The following FBXL2 variants were observed in gnomAD, a reference collection of about 807,000 sequenced individuals.
FBXL2 encodes F-box/LRR-repeat protein 2.
A neutral mutation model predicts 69.2 loss-of-function variants in FBXL2; 38 were observed. That is an observed-to-expected ratio of 0.55 (90% CI 0.42 to 0.72). The LOEUF (loss-of-function observed/expected upper bound fraction) is 0.72, where lower values mean the gene tolerates loss of function less well. Ranked by LOEUF, FBXL2 falls within the 30% of genes least tolerant of loss-of-function variation. The pLI is 0.00. For missense variants in FBXL2, 354 were observed against 520.3 expected, an observed-to-expected ratio of 0.68 and a Z score of 3.11; for synonymous variants, 192 against 201.3, an observed-to-expected ratio of 0.95 and a Z score of 0.39.
intron 1 of FBXL2, among the ~76,000 whole-genome samples, chr3:33,285,192 C>T (rs1575589011): frequency 1.3e-5 from 2 of 152,296 alleles, no homozygotes; most frequent in Admixed American, 1.3e-4. Flanking sequence ...TTGTTCCTTT[C>T]CATGTTTAGC....
At chr3:33,418,285 G>A in the FBXL2 span, among the ~76,000 whole-genome samples, 9 of 151,930 alleles carry the variant, frequency 5.9e-5, no homozygotes, top group African/African-American at 7.2e-5. Flanking sequence ...AGGGAGCTTC[G>A]TTCTGTCGCC....
the FBXL2 span, among the ~76,000 whole-genome samples, chr3:33,417,978 C>T: frequency 6.6e-6 from 1 of 152,122 alleles, no homozygotes; most frequent in Non-Finnish European, 1.5e-5. Flanking sequence ...TGCTTACATT[C>T]ATTCAACAGA....
At chr3:33,384,491 G>A (rs1348779157) in intron 14 of FBXL2, among the ~76,000 whole-genome samples, 1 of 152,156 alleles carries the variant, frequency 6.6e-6, no homozygotes, top group Non-Finnish European at 1.5e-5. Context: ...AACCTGGGAA[G>A]CAGAAGTTGC....
rs1253444706 is a variant in FBXL2, at chr3:33,378,911, G to A, written c.951+170G>A. ...CAAGGTATCTAAATATTTGATTACT[G>A]CTTTCATTGAATTTGCAATTTTAAG... On this transcript the variant is annotated intron_variant, in intron 13 of 14. Transcript: ENST00000484457. 4.7e-6 allele frequency: 6 copies of A among 1,284,964 alleles called. No homozygotes were observed. In the African/African-American group the frequency reaches 7.5e-5, roughly 16 times the overall value. 79.6% of individuals were successfully genotyped at this position (1,284,964 alleles called of 1,614,324 possible).
intron 2 of FBXL2, among the ~76,000 whole-genome samples, chr3:33,302,421 T>A (rs912326341): frequency 6.6e-6 from 1 of 152,148 alleles, no homozygotes; most frequent in Non-Finnish European, 1.5e-5. Flanking sequence ...GAAAAAAAAA[T>A]GTCTTCTGTG....
chr3:33,400,250 T>C, intron 12 of FBXL2: 1 of 1,601,354 alleles, frequency 6.2e-7, no homozygotes, highest in Middle Eastern at 1.7e-4. Context: ...GCCATTGCTG[T>C]GTTTCCTGGA....
chr3:33,310,226 A>T (rs982204378), intron 2 of FBXL2, among the ~76,000 whole-genome samples: 1 of 152,080 alleles, frequency 6.6e-6, no homozygotes, highest in Admixed American at 6.5e-5. Context: ...ATCTCAGCTC[A>T]CTGCAATCTC....
chr3:33,392,352 AT>A (rs375416166), downstream of FBXL2: 72 of 468,730 alleles, frequency 1.5e-4, no homozygotes, highest in South Asian at 6.6e-4. Context: ...ATGAATTGAG[AT>A]TTTTTTTTCC....
At chr3:33,345,990 G>A (rs2040403990) in intron 2 of FBXL2, among the ~76,000 whole-genome samples, 1 of 152,166 alleles carries the variant, frequency 6.6e-6, no homozygotes. Flanking sequence ...ACTTTGGGAG[G>A]CCAAGGTGGG....
rs577967859 is a variant in FBXL2, at chr3:33,336,504, T to A, written c.66-22463T>A. Among the ~76,000 whole-genome samples, 3 of 152,318 alleles carry A rather than the reference T, an allele frequency of 2.0e-5. No homozygotes were observed. In the South Asian group the frequency reaches 6.2e-4, roughly 32 times the overall value. On this transcript the variant is annotated intron_variant, in intron 2 of 14. Transcript: ENST00000484457. Reference sequence around the variant, plus strand: ...GATTCTAGAAGAAAATACACAAGAATATCTTTATAATCTCAGGGTAAGCAA... The same window carrying A: ...GATTCTAGAAGAAAATACACAAGAAAATCTTTATAATCTCAGGGTAAGCAA...
At chr3:33,404,781 T>C (rs1336040806), downstream of FBXL2, among the ~76,000 whole-genome samples, 1 of 152,196 alleles carries the variant, frequency 6.6e-6, no homozygotes, top group Non-Finnish European at 1.5e-5. Flanking sequence ...TGAAATAATC[T>C]AGTAGATCAC....
chr3:33,361,244 C>T (rs1014230268), intron 4 of FBXL2, among the ~76,000 whole-genome samples: 12 of 152,090 alleles, frequency 7.9e-5, no homozygotes, highest in Middle Eastern at 3.4e-3. Context: ...TGGCCCACAC[C>T]TGAAATCCCA....
At chr3:33,396,963 C>T (rs952282510) in intron 12 of FBXL2, 10 of 1,281,530 alleles carry the variant, frequency 7.8e-6, no homozygotes, top group Admixed American at 3.6e-5. Context: ...GCCAACCTAG[C>T]GTGGAAACAC....
chr3:33,421,132 C>T, the FBXL2 span, among the ~76,000 whole-genome samples: 2 of 152,194 alleles, frequency 1.3e-5, no homozygotes, highest in Non-Finnish European at 2.9e-5. Context: ...GCAGCCTATT[C>T]CAGCCAGATC....
downstream of FBXL2, chr3:33,388,987 A>AT (rs1239251640): frequency 6.6e-6 from 1 of 152,232 alleles, no homozygotes; most frequent in African/African-American, 2.4e-5. Flanking sequence ...ATATCCTACA[A>AT]TTAAAATGGA....
chr3:33,416,621 G>A, the FBXL2 span: 15 of 621,026 alleles, frequency 2.4e-5, no homozygotes, highest in African/African-American at 2.8e-4. Flanking sequence ...CATTTTACAG[G>A]TGAATAAACA....
intron 12 of FBXL2, among the ~76,000 whole-genome samples, chr3:33,399,087 G>C (rs1189682514): frequency 6.6e-6 from 1 of 152,246 alleles, no homozygotes; most frequent in African/African-American, 2.4e-5. Flanking sequence ...CTGAGTGTGT[G>C]CACACACAAG....
Position 33,279,273 on chromosome 3 carries a change from C to CT in FBXL2, c.3+1773dup, listed in dbSNP as rs1013591676. On this transcript the variant is annotated intron_variant, in intron 1 of 14. Transcript: ENST00000484457. ...TATATGTCATCCCCAAAACTGTATT[C>CT]TTTTTTTTTTTTTTTGAGACGGAGT... Among the ~76,000 whole-genome samples, 570 of 142,244 alleles carry CT rather than the reference C, an allele frequency of 4.0e-3. 1 individual carries two copies. Among genetic ancestry groups the CT allele is most frequent in the African/African-American group, 7.6e-3 (298 of 39,054 alleles). 93.3% of individuals were successfully genotyped at this position (142,244 alleles called of 152,430 possible).
intron 2 of FBXL2, among the ~76,000 whole-genome samples, chr3:33,301,649 C>T (rs912721389): frequency 2.6e-5 from 4 of 152,148 alleles, no homozygotes; most frequent in Admixed American, 2.6e-4. Context: ...TAAAATCCAG[C>T]TCTTGCTCAT....
Sources: allele counts gnomAD v4.1 joint callset (sites outside exome capture counted in the v4.1 genomes callset), GRCh38; gene constraint gnomAD v4.1.1; transcripts MANE v1.5; gene names NCBI Gene and HGNC (gene_info 2026-07-23, HGNC 2026-07-21).